VIPR1: variants seen among roughly 807,000 people sequenced by gnomAD.
VIPR1 encodes vasoactive intestinal polypeptide receptor 1.
A neutral mutation model predicts 58.8 loss-of-function variants in VIPR1; 59 were observed. The ratio of observed to expected loss-of-function variants is 1.00; its 90% CI spans 0.81 to 1.25. VIPR1 has a LOEUF of 1.25. VIPR1 is among the 50% of genes most tolerant of loss of function. VIPR1 has a pLI of 0.00. For missense variants in VIPR1, 626 were observed against 602.7 expected, an observed-to-expected ratio of 1.04 and a Z score of -0.40; for synonymous variants, 251 against 242.1, an observed-to-expected ratio of 1.04 and a Z score of -0.34.
At chr3:42,495,273 C>T (rs1407287723) in intron 1 of VIPR1, among the ~76,000 whole-genome samples, 2 of 152,206 alleles carry the variant, frequency 1.3e-5, no homozygotes, top group South Asian at 2.1e-4. Context: ...AGGCGCCCAC[C>T]ACCACTCCCG....
At position 42,513,740 on chromosome 3, in the gene VIPR1, T is replaced by C. The variant is rs942586878; in HGVS notation, c.79-9T>C. The C allele has an allele frequency of 3.2e-6, 5 of 1,551,050 alleles. No homozygotes were observed. Among genetic ancestry groups the C allele is most frequent in the South Asian group, 1.2e-5 (1 of 84,042 alleles). On this transcript the variant is annotated splice_polypyrimidine_tract_variant and intron_variant, in intron 1 of 12. Transcript: ENST00000325123. Reference sequence around the variant, plus strand: ...GAGGCTGATGGGCCCTCCCTGTCTTTGTTCTCAGGGCGGCCAGGCGGCCAG... The same window carrying C: ...GAGGCTGATGGGCCCTCCCTGTCTTCGTTCTCAGGGCGGCCAGGCGGCCAG...
At chr3:42,514,641 C>T (rs1231841402) in intron 2 of VIPR1, among the ~76,000 whole-genome samples, 1 of 151,986 alleles carries the variant, frequency 6.6e-6, no homozygotes, top group African/African-American at 2.4e-5. Context: ...TCCCAACCCA[C>T]CCTTAGTGGC....
chr3:42,509,431 A>C (rs551940699), intron 1 of VIPR1: 2 of 152,066 alleles, frequency 1.3e-5, no homozygotes, highest in African/African-American at 4.8e-5. Flanking sequence ...AACAGCTACA[A>C]CTCCCAGCAT....
chr3:42,510,122 A>G (rs1283977177), intron 1 of VIPR1, among the ~76,000 whole-genome samples: 1 of 152,216 alleles, frequency 6.6e-6, no homozygotes, highest in Non-Finnish European at 1.5e-5. Context: ...TGATGCCCCC[A>G]GAACTCCTTG....
chr3:42,530,970 G>T, intron 7 of VIPR1, 38 bp downstream of exon 7: 1 of 1,610,458 alleles, frequency 6.2e-7, no homozygotes, highest in Non-Finnish European at 8.5e-7. Context: ...TGGGGACAGA[G>T]GGGGCAAGGC....
intron 3 of VIPR1, among the ~76,000 whole-genome samples, chr3:42,522,563 G>A (rs149872763): frequency 6.6e-6 from 1 of 152,260 alleles, no homozygotes; most frequent in East Asian, 1.9e-4. Flanking sequence ...CTATAAATAA[G>A]AAAACCTTGC....
intron 1 of VIPR1, among the ~76,000 whole-genome samples, chr3:42,495,146 G>C (rs1028217671): frequency 6.6e-6 from 1 of 151,952 alleles, no homozygotes; most frequent in Non-Finnish European, 1.5e-5. Flanking sequence ...TTTTGAGACA[G>C]AGTCTCACTC....
Position 42,532,344 on chromosome 3 carries a change from G to A in VIPR1, c.1010+11G>A. 6.2e-7 allele frequency: 1 copy of A among 1,611,854 alleles called. No individual in the cohort carries two copies. The highest frequency in any genetic ancestry group is 1.6e-4 in the Middle Eastern group (1 of 6,062). On this transcript the variant is annotated intron_variant, in intron 10 of 12. Transcript: ENST00000325123. ...CAGCAGTCCATACTCGTGAGTGTGG[G>A]CCTAGTGCCTCAGCCCCCAGTACCT...
Position 42,536,260 on chromosome 3 carries a change from A to G in VIPR1, c.1353A>G (p.Gln451=), listed in dbSNP as rs1239380955. 1.3e-6 allele frequency: 2 copies of G among 1,577,180 alleles called. No homozygotes were observed. Among genetic ancestry groups the G allele is most frequent in the Non-Finnish European group, 1.7e-6 (2 of 1,167,754 alleles). ...SPGARRSSSF[Q]AEVSLV is the part of the protein sequence containing the mutation. ...GTGCCCGCCGCTCCTCCAGCTTCCAAGCCGAAGTCTCCCTGGTCTGACCAC... is the reference window on the plus strand; with the variant it reads ...GTGCCCGCCGCTCCTCCAGCTTCCAGGCCGAAGTCTCCCTGGTCTGACCAC... The change falls in exon 13 of 13, where the codon CAA becomes CAG. Residue 451 remains glutamine (Q), a synonymous_variant. Coordinates refer to ENST00000325123, the MANE Select transcript of VIPR1 (RefSeq NM_004624.4).
chr3:42,531,415 C>A, intron 7 of VIPR1, 56 bp from the exon 8 acceptor site: 1 of 1,538,786 alleles, frequency 6.5e-7, no homozygotes, highest in Non-Finnish European at 8.8e-7. Context: ...CCCTCATGCC[C>A]TCTACCCCTG....
chr3:42,514,710 G>A (rs1452444463), intron 2 of VIPR1, among the ~76,000 whole-genome samples: 1 of 152,008 alleles, frequency 6.6e-6, no homozygotes, highest in Non-Finnish European at 1.5e-5. Flanking sequence ...AGCCCCAGGG[G>A]CTGAGCACAT....
Position 42,536,516 on chromosome 3 carries a change from G to A in VIPR1, c.*235G>A. ...GAGCTCCTCTCCTGGAGGATTGCAG[G>A]TGGAACTCAGTCATTAGACTCCTCC... On this transcript the variant is annotated 3_prime_UTR_variant, in exon 13 of 13. Coordinates refer to ENST00000325123, the MANE Select transcript of VIPR1 (RefSeq NM_004624.4). The A allele has an allele frequency of 2.3e-6, 1 of 440,600 alleles. No homozygotes were observed. The highest frequency in any genetic ancestry group is 3.9e-6 in the Non-Finnish European group (1 of 253,444). 27.3% of individuals were successfully genotyped at this position (440,600 alleles called of 1,614,324 possible).
chr3:42,532,563 C>T (rs1369603308), intron 10 of VIPR1: 9 of 595,602 alleles, frequency 1.5e-5, no homozygotes, highest in Non-Finnish European at 2.7e-5. Flanking sequence ...CCCACACTCA[C>T]CTAGCATCCT....
At chr3:42,501,746 A>G (rs542525383), upstream of VIPR1, among the ~76,000 whole-genome samples, 9 of 152,344 alleles carry the variant, frequency 5.9e-5, no homozygotes, top group African/African-American at 1.7e-4. The surrounding 1 kb of genome is among the most constrained non-coding windows in gnomAD (Gnocchi z 4.8). Flanking sequence ...CCCCAGCTGT[A>G]AAATAGGGAA....
At chr3:42,532,217 C>T in intron 9 of VIPR1, 25 bp from the exon 10 acceptor site, 4 of 1,612,876 alleles carry the variant, frequency 2.5e-6, no homozygotes, top group Non-Finnish European at 8.5e-7. Flanking sequence ...CTCTGACTGC[C>T]CGAACTCGGG....
intron 6 of VIPR1, 72 bp from the exon 7 acceptor site, chr3:42,530,707 C>A (rs1451275413): frequency 1.3e-6 from 2 of 1,544,946 alleles, no homozygotes; most frequent in Non-Finnish European, 1.8e-6. Flanking sequence ...TTTGTCCCCC[C>A]AGACACGAGT....
chr3:42,526,008 A>AC lies in VIPR1; in HGVS notation c.399+20dup, dbSNP rs1186565969. The AC allele has an allele frequency of 1.9e-6, 3 of 1,602,788 alleles. No individual in the cohort carries two copies. The highest frequency in any genetic ancestry group is 1.7e-5 in the Admixed American group (1 of 58,622). On this transcript the variant is annotated intron_variant, in intron 4 of 12. Transcript: ENST00000325123. ...GTTTGGATGAGGTGGGTCTCAGGGC[A>AC]CCCCCACCTCACCTGCAGAGCGCCG...
upstream of VIPR1, chr3:42,502,614 C>T (rs959411371): frequency 2.6e-6 from 2 of 767,082 alleles, no homozygotes; most frequent in South Asian, 5.4e-5. Flanking sequence ...AGCTGCGCCT[C>T]TTAGCTCTGG....
At chr3:42,517,308 C>CCTGAG (rs1196391377) in intron 2 of VIPR1, among the ~76,000 whole-genome samples, 1 of 152,208 alleles carries the variant, frequency 6.6e-6, no homozygotes, top group East Asian at 1.9e-4. Flanking sequence ...AACCTTCGGA[C>CCTGAG]CTGAGCTGGG....
Sources: gnomAD v4.1 joint callset for allele counts (sites outside exome capture counted in the v4.1 genomes callset) on GRCh38, gnomAD v4.1.1 for gene constraint, Gnocchi (gnomAD v3.1) non-coding constraint, MANE v1.5 for transcripts, NCBI Gene and HGNC (gene_info 2026-07-23, HGNC 2026-07-21) for gene names.